LGSN: variants seen among roughly 807,000 people sequenced by gnomAD.
The protein encoded by LGSN is lengsin.
A neutral mutation model predicts 19.5 loss-of-function variants in LGSN; 21 were observed. The observed-to-expected ratio is 1.07, with a 90% CI of 0.76 to 1.55. The LOEUF (loss-of-function observed/expected upper bound fraction) is 1.55. Among genes scored for constraint, LGSN ranks in the 40% most tolerant of loss-of-function variants. LGSN has a pLI of 0.00. For missense variants in LGSN, 673 were observed against 608.5 expected (o/e 1.11, Z -1.12); for synonymous variants, 257 against 215.6 (o/e 1.19, Z -1.68).
chr6:63,415,377 G>A, the LGSN span, among the ~76,000 whole-genome samples: 1 of 152,098 alleles, frequency 6.6e-6, no homozygotes, highest in Non-Finnish European at 1.5e-5. Context: ...AAGGAAAAAA[G>A]TTTAATTGAC....
the LGSN span, among the ~76,000 whole-genome samples, chr6:63,464,835 T>C: frequency 6.6e-6 from 1 of 151,840 alleles, no homozygotes; most frequent in Non-Finnish European, 1.5e-5. Context: ...GAGACCAGCC[T>C]GGCCAAAACA....
the LGSN span, among the ~76,000 whole-genome samples, chr6:63,459,855 C>T: frequency 1.3e-5 from 2 of 152,136 alleles, no homozygotes; most frequent in South Asian, 4.2e-4. Context: ...TGCATCATGC[C>T]ATTACACTCC....
At position 63,277,316 on chromosome 6, in the gene LGSN, G is replaced by A. The variant is rs1767129848; in HGVS notation, c.*2705C>T. On this transcript the variant is annotated 3_prime_UTR_variant, in exon 4 of 4. Coordinates refer to ENST00000370657, the MANE Select transcript of LGSN (RefSeq NM_016571.3). ...AGGGATATGCCACTTTATAGGGATGGGTTAGAGCCAATCCCATTTTTTGGA... is the reference window on the plus strand; with the variant it reads ...AGGGATATGCCACTTTATAGGGATGAGTTAGAGCCAATCCCATTTTTTGGA... 6.6e-6 allele frequency: 1 copy of A among 152,086 alleles called. No homozygotes were observed. Among genetic ancestry groups the A allele is most frequent in the African/African-American group, 2.4e-5 (1 of 41,414 alleles). The allele number at this position is 152,086 out of a possible 1,614,324, so 9.4% of individuals were successfully genotyped here.
the LGSN span, among the ~76,000 whole-genome samples, chr6:63,420,572 T>C: frequency 6.6e-6 from 1 of 152,174 alleles, no homozygotes; most frequent in Non-Finnish European, 1.5e-5. Context: ...GAGGTATCAT[T>C]AGAGGCCTAG....
chr6:63,318,382 T>A (rs1226312003), intron 1 of LGSN, among the ~76,000 whole-genome samples: 1 of 152,168 alleles, frequency 6.6e-6, no homozygotes, highest in Non-Finnish European at 1.5e-5. Flanking sequence ...TTTCCAAACA[T>A]CTGTTAGCTG....
At chr6:63,541,463 A>C in the LGSN span, among the ~76,000 whole-genome samples, 1 of 151,246 alleles carries the variant, frequency 6.6e-6, no homozygotes, top group Admixed American at 6.6e-5. Flanking sequence ...TGAGACAGGA[A>C]AATCGCCTGA....
the LGSN span, among the ~76,000 whole-genome samples, chr6:63,458,523 C>A: frequency 6.6e-6 from 1 of 152,202 alleles, no homozygotes; most frequent in East Asian, 1.9e-4. Context: ...AACAGTAATT[C>A]TGCACTTATG....
the LGSN span, among the ~76,000 whole-genome samples, chr6:63,408,096 C>T: frequency 6.6e-6 from 1 of 152,110 alleles, no homozygotes; most frequent in Admixed American, 6.6e-5. Flanking sequence ...TGAAAATGGC[C>T]ATACTGCACA....
At chr6:63,282,125 CT>C (rs1407389230) in intron 3 of LGSN, among the ~76,000 whole-genome samples, 1 of 152,176 alleles carries the variant, frequency 6.6e-6, no homozygotes, top group Non-Finnish European at 1.5e-5. Context: ...AACTTTTGCT[CT>C]GTGCCAGGCA....
the LGSN span, among the ~76,000 whole-genome samples, chr6:63,384,584 C>T: frequency 6.6e-6 from 1 of 151,692 alleles, no homozygotes; most frequent in Non-Finnish European, 1.5e-5. Flanking sequence ...ATGGCACAAG[C>T]TCGGCTCACT....
chr6:63,406,678 A>G, the LGSN span, among the ~76,000 whole-genome samples: 1 of 152,110 alleles, frequency 6.6e-6, no homozygotes, highest in African/African-American at 2.4e-5. Context: ...AACTAAAATC[A>G]GAGCATAACT....
At chr6:63,542,720 T>G in the LGSN span, among the ~76,000 whole-genome samples, 1 of 152,200 alleles carries the variant, frequency 6.6e-6, no homozygotes, top group Non-Finnish European at 1.5e-5. Flanking sequence ...ACTGCTTTTT[T>G]GAAATCTCCT....
chr6:63,467,278 C>A, the LGSN span, among the ~76,000 whole-genome samples: 4 of 149,484 alleles, frequency 2.7e-5, no homozygotes, highest in Non-Finnish European at 3.0e-5. Context: ...AAGTGAAATA[C>A]AAAAAAAAAA....
the LGSN span, among the ~76,000 whole-genome samples, chr6:63,459,422 A>G: frequency 6.6e-6 from 1 of 152,154 alleles, no homozygotes; most frequent in Non-Finnish European, 1.5e-5. Context: ...TTTTCTGTTT[A>G]AATTTTCAAT....
At chr6:63,505,303 G>A in the LGSN span, among the ~76,000 whole-genome samples, 2 of 151,658 alleles carry the variant, frequency 1.3e-5, no homozygotes, top group African/African-American at 2.4e-5. Flanking sequence ...AAAGCCGGGC[G>A]TAGTGTCTCA....
At chr6:63,484,873 A>C in the LGSN span, among the ~76,000 whole-genome samples, 2 of 152,352 alleles carry the variant, frequency 1.3e-5, no homozygotes, top group South Asian at 4.1e-4. Context: ...TCAGTATGTT[A>C]GAACCAAAGT....
chr6:63,398,155 A>G, the LGSN span, among the ~76,000 whole-genome samples: 1 of 148,946 alleles, frequency 6.7e-6, no homozygotes. Flanking sequence ...TTATTTATTT[A>G]TATATTTACT....
chr6:63,434,604 CAAAAAAAA>C, the LGSN span, among the ~76,000 whole-genome samples: 4 of 62,914 alleles, frequency 6.4e-5, no homozygotes, highest in South Asian at 1.2e-3. Flanking sequence ...ACTAAAAATT[CAAAAAAAA>C]AAAAAAAAAA....
At chr6:63,285,877 T>C in intron 2 of LGSN, 124 bp from the exon 3 acceptor site, 1 of 724,706 alleles carries the variant, frequency 1.4e-6, no homozygotes, top group East Asian at 2.7e-5. Context: ...ATCATGTCAC[T>C]GGCTTAGAGT....
Sources: gnomAD v4.1 joint callset for allele counts (sites outside exome capture counted in the v4.1 genomes callset) on GRCh38, gnomAD v4.1.1 for gene constraint, MANE v1.5 for transcripts, NCBI Gene and HGNC (gene_info 2026-07-23, HGNC 2026-07-21) for gene names.